EPAS1: variants seen among roughly 807,000 people sequenced by gnomAD.
The protein encoded by EPAS1 is endothelial PAS domain protein 1, also known as endothelial PAS domain-containing protein 1.
In EPAS1, 23 loss-of-function variants were observed where a neutral mutation model predicts 87.9. The ratio of observed to expected loss-of-function variants is 0.26; its 90% confidence interval spans 0.19 to 0.37. EPAS1 has a LOEUF of 0.37. Among genes scored for constraint, EPAS1 ranks in the 10% least tolerant of loss-of-function variants. The probability of loss-of-function intolerance (pLI) is 1.00; values close to 1 mark genes in which losing one functional copy is unlikely to be tolerated. For missense variants in EPAS1, 1,138 were observed against 1,120.7 expected (o/e 1.02, Z -0.22); for synonymous variants, 508 against 444.3 (o/e 1.14, Z -1.80).
At chr2:46,337,364 A>G (rs899374733) in intron 1 of EPAS1, among the ~76,000 whole-genome samples, 7 of 152,270 alleles carry the variant, frequency 4.6e-5, no homozygotes, top group Non-Finnish European at 8.8e-5. Context: ...TTGAAATATG[A>G]GCCTAATTCA....
chr2:46,365,874 G>A, intron 6 of EPAS1, among the ~76,000 whole-genome samples: 1 of 152,044 alleles, frequency 6.6e-6, no homozygotes, highest in East Asian at 1.9e-4. Flanking sequence ...AGAGGCGATG[G>A]GCAGAGTGTG....
At chr2:46,369,789 G>A (rs369854725) in intron 6 of EPAS1, 38 bp from the exon 7 acceptor site, 3 of 1,506,886 alleles carry the variant, frequency 2.0e-6, no homozygotes, top group Non-Finnish European at 2.8e-6. Flanking sequence ...AGTTAATATG[G>A]TCTTTCTTCC....
intron 1 of EPAS1, among the ~76,000 whole-genome samples, chr2:46,309,510 C>G (rs1347827434): frequency 6.6e-6 from 1 of 152,098 alleles, no homozygotes; most frequent in Admixed American, 6.5e-5. Context: ...GTAAATAGAT[C>G]TTGTGTGTTG....
chr2:46,361,776 T>G (rs1377380726), intron 6 of EPAS1, among the ~76,000 whole-genome samples: 1 of 152,222 alleles, frequency 6.6e-6, no homozygotes, highest in South Asian at 2.1e-4. Context: ...CTAAGACTGC[T>G]TAGGCATGTC....
chr2:46,298,556 G>A (rs985904998), intron 1 of EPAS1, among the ~76,000 whole-genome samples: 7 of 152,242 alleles, frequency 4.6e-5, no homozygotes, highest in Admixed American at 2.6e-4. Context: ...TGACTCTGGG[G>A]AGAGTAGGTA....
At chr2:46,366,855 T>G (rs891726608) in intron 6 of EPAS1, among the ~76,000 whole-genome samples, 1 of 152,226 alleles carries the variant, frequency 6.6e-6, no homozygotes, top group Non-Finnish European at 1.5e-5. Flanking sequence ...AGGAGCGACC[T>G]TATAAACAAG....
At position 46,371,336 on chromosome 2, in the gene EPAS1, GGAGT is replaced by G. The variant is rs1684623365; in HGVS notation, c.886+1407_886+1410del. On this transcript the variant is annotated intron_variant, in intron 7 of 15. Coordinates refer to ENST00000263734, the MANE Select transcript of EPAS1 (RefSeq NM_001430.5). The surrounding 1 kb of genome is among the most constrained non-coding windows in gnomAD (Gnocchi z 4.3). ...GTGAACATGGTTAACCCACTCTTAAGGAGTGAGATCTTTCTTTTCTTTTATTGGT... is the reference window on the plus strand; with the variant it reads ...GTGAACATGGTTAACCCACTCTTAAGGAGATCTTTCTTTTCTTTTATTGGT... Among the ~76,000 whole-genome samples the G allele has an allele frequency of 6.6e-6, 1 of 152,206 alleles. No individual in the cohort carries two copies. The highest frequency in any genetic ancestry group is 6.5e-5 in the Admixed American group (1 of 15,284).
Position 46,384,850 on chromosome 2 carries a change from T to C in EPAS1, c.*190T>C. 1.5e-6 allele frequency: 1 copy of C among 683,566 alleles called. No individual in the cohort carries two copies. 42.3% of individuals were successfully genotyped at this position (683,566 alleles called of 1,614,324 possible). On this transcript the variant is annotated 3_prime_UTR_variant, in exon 16 of 16. Coordinates refer to ENST00000263734, the MANE Select transcript of EPAS1 (RefSeq NM_001430.5). Reference sequence around the variant, plus strand: ...ATGCTCACTTTATTATCCCTATTTTTAAAGTACACAATTGTTTTACCTGTT... The same window carrying C: ...ATGCTCACTTTATTATCCCTATTTTCAAAGTACACAATTGTTTTACCTGTT...
rs904965044 is a variant in EPAS1 at position 46,380,886 on chromosome 2, C to G, written c.2045+169C>G. On this transcript the variant is annotated intron_variant, in intron 12 of 15. Transcript: ENST00000263734. The surrounding 1 kb of genome is among the most constrained non-coding windows in gnomAD (Gnocchi z 4.4). Reference sequence around the variant, plus strand: ...GGGAATCACCTCAAGCCATGTGAGGCCTAGTGTAGGATGGGTTTTTATCTG... The same window carrying G: ...GGGAATCACCTCAAGCCATGTGAGGGCTAGTGTAGGATGGGTTTTTATCTG... Among the ~76,000 whole-genome samples, 4 of 152,140 alleles carry G rather than the reference C, an allele frequency of 2.6e-5. No individual in the cohort carries two copies. Among genetic ancestry groups the G allele is most frequent in the African/African-American group, 9.7e-5 (4 of 41,420 alleles).
chr2:46,322,207 A>G (rs1325357477), intron 1 of EPAS1, among the ~76,000 whole-genome samples: 1 of 152,146 alleles, frequency 6.6e-6, no homozygotes, highest in Non-Finnish European at 1.5e-5. Flanking sequence ...TCCACCTGAA[A>G]CAATATACAA....
At chr2:46,359,662 TC>T (rs1209158240) in intron 4 of EPAS1, among the ~76,000 whole-genome samples, 1 of 152,168 alleles carries the variant, frequency 6.6e-6, no homozygotes, top group Non-Finnish European at 1.5e-5. Context: ...TCAGTCAAGA[TC>T]CTCTGGAAGT....
At chr2:46,381,916 A>G in intron 13 of EPAS1, 59 bp from the exon 14 acceptor site, 3 of 269,822 alleles carry the variant, frequency 1.1e-5, no homozygotes, top group Non-Finnish European at 2.1e-5. Context: ...CAACCCACCC[A>G]GTCTGGGGAC....
intron 1 of EPAS1, among the ~76,000 whole-genome samples, chr2:46,330,144 A>G (rs917848695): frequency 6.6e-6 from 1 of 152,176 alleles, no homozygotes; most frequent in Non-Finnish European, 1.5e-5. Context: ...CCAAGTTTCC[A>G]TCTTAATGCT....
At position 46,347,025 on chromosome 2, in the gene EPAS1, C is replaced by T. The variant is rs1400888506; in HGVS notation, c.179C>T (p.Ala60Val). 1 of 1,614,202 alleles carries T rather than the reference C, an allele frequency of 6.2e-7. No homozygotes were observed. The highest frequency in any genetic ancestry group is 1.7e-5 in the Admixed American group (1 of 60,026). The change falls in exon 2 of 16, where the codon GCA (alanine) becomes GTA (valine). Residue 60 changes from alanine (A) to valine (V), a missense_variant. Physicochemically the swap from Ala to Val is moderately conservative, Grantham distance 64. Transcript: ENST00000263734. This position sits in a 1 kb window ranked among gnomAD's most constrained non-coding sequence, Gnocchi z 4.2. The part of the protein sequence containing the change: ...HLDKASIMRL[A>V]ISFLRTHKLL... ...GACAAGGCCTCCATCATGCGACTGGCAATCAGCTTCCTGCGAACACACAAG... is the reference window on the plus strand; with the variant it reads ...GACAAGGCCTCCATCATGCGACTGGTAATCAGCTTCCTGCGAACACACAAG...
chr2:46,355,509 G>C (rs757878406), intron 2 of EPAS1, among the ~76,000 whole-genome samples: 3 of 152,186 alleles, frequency 2.0e-5, no homozygotes, highest in Non-Finnish European at 4.4e-5. Context: ...ATGAGATTAA[G>C]AATAGTAGCT....
intron 2 of EPAS1, among the ~76,000 whole-genome samples, chr2:46,348,711 C>G (rs1335473837): frequency 6.6e-6 from 1 of 152,208 alleles, no homozygotes; most frequent in African/African-American, 2.4e-5. Flanking sequence ...TGCTTGGGAG[C>G]AGAAGTGCTT....
chr2:46,364,602 C>A (rs1027533399), intron 6 of EPAS1, among the ~76,000 whole-genome samples: 1 of 152,198 alleles, frequency 6.6e-6, no homozygotes, highest in Non-Finnish European at 1.5e-5. Flanking sequence ...TTAAGTCCTG[C>A]ATTAATTGTT....
chr2:46,354,715 A>T (rs1572634934), intron 2 of EPAS1, among the ~76,000 whole-genome samples: 1 of 152,002 alleles, frequency 6.6e-6, no homozygotes, highest in South Asian at 2.1e-4. Flanking sequence ...TCTGTACGCC[A>T]TTGCCAGACT....
intron 12 of EPAS1, 96 bp from the exon 13 acceptor site, chr2:46,381,500 A>C: frequency 6.3e-7 from 1 of 1,598,926 alleles, no homozygotes; most frequent in African/African-American, 1.3e-5. Flanking sequence ...CATCACAGGC[A>C]TCAGCATTGG....
Sources: allele counts gnomAD v4.1 joint callset (sites outside exome capture counted in the v4.1 genomes callset), GRCh38; gene constraint gnomAD v4.1.1; non-coding constraint Gnocchi (gnomAD v3.1); transcripts MANE v1.5; gene names NCBI Gene and HGNC (gene_info 2026-07-23, HGNC 2026-07-21).